WASF3: variants seen among roughly 807,000 people sequenced by gnomAD.
The protein encoded by WASF3 is WASP family member 3.
Under a neutral mutation model 46.6 loss-of-function variants are expected in WASF3, and 11 were observed. That is an observed-to-expected ratio of 0.24 (90% confidence interval 0.15 to 0.39). The LOEUF (loss-of-function observed/expected upper bound fraction) is 0.39, where lower values mean the gene tolerates loss of function less well. WASF3 is among the 10% of genes least tolerant of loss of function. WASF3 has a pLI of 1.00. For synonymous variants in WASF3, 242 were observed against 259.7 expected (o/e 0.93, Z 0.65); for missense variants, 576 against 669.8 (o/e 0.86, Z 1.55).
At chr13:26,593,287 G>A (rs1205808051) in intron 1 of WASF3, among the ~76,000 whole-genome samples, 1 of 152,284 alleles carries the variant, frequency 6.6e-6, no homozygotes, top group Non-Finnish European at 1.5e-5. Context: ...TTCCCTCAGC[G>A]TACTGCTTGC....
intron 2 of WASF3, among the ~76,000 whole-genome samples, chr13:26,613,725 G>T (rs775358953): frequency 1.3e-5 from 2 of 152,236 alleles, no homozygotes; most frequent in East Asian, 3.9e-4. Context: ...AGCCGAGATC[G>T]TGCCACTGCA....
rs59122008 is a variant in WASF3, at chr13:26,618,496, G to GC, written c.-11+5445dup. 7.2e-3 allele frequency among the ~76,000 whole-genome samples: 481 copies of GC among 66,420 alleles called. 8 individuals are homozygous for GC. In the East Asian group the frequency reaches 0.075, roughly 10 times the overall value. 43.6% of individuals were successfully genotyped at this position (66,420 alleles called of 152,430 possible). A position where few individuals can be genotyped will look rare whatever the true frequency, so the allele number is the denominator to read the frequency against. On this transcript the variant is annotated intron_variant, in intron 2 of 9. Coordinates refer to ENST00000335327, the MANE Select transcript of WASF3 (RefSeq NM_006646.6). ...TCTCCCCACCGTCTCCCCCACCTCCGCCCCCCCGTCTCTTTCATACATGTA... is the reference window on the plus strand; with the variant it reads ...TCTCCCCACCGTCTCCCCCACCTCCGCCCCCCCCGTCTCTTTCATACATGTA...
intron 1 of WASF3, among the ~76,000 whole-genome samples, chr13:26,589,584 G>T (rs1210909165): frequency 2.0e-5 from 3 of 152,118 alleles, no homozygotes; most frequent in African/African-American, 7.2e-5. Context: ...TGAATGTTAA[G>T]AATAAAATTG....
chr13:26,666,035 AGTT>A (rs1882761129), intron 4 of WASF3, among the ~76,000 whole-genome samples: 1 of 152,222 alleles, frequency 6.6e-6, no homozygotes, highest in Admixed American at 6.5e-5. Context: ...TAAAAAAAGT[AGTT>A]GTGGAATTCA....
In WASF3 at chr13:26,677,097, T is replaced by C. The variant is rs892609701; in HGVS notation, c.716+373T>C. ...GTTGAATTTCCTTTGCCACTTGGTA[T>C]CTAAAAATGATTGGCAGGTGGTAAA... On this transcript the variant is annotated intron_variant, in intron 7 of 9. Coordinates refer to ENST00000335327, the MANE Select transcript of WASF3 (RefSeq NM_006646.6). Among the ~76,000 whole-genome samples, 7 of 152,230 alleles carry C rather than the reference T, an allele frequency of 4.6e-5. No homozygotes were observed. The South Asian group carries it at 1.2e-3, about 27-fold the overall frequency.
chr13:26,564,271 G>A (rs1304076597), intron 1 of WASF3, among the ~76,000 whole-genome samples: 1 of 152,152 alleles, frequency 6.6e-6, no homozygotes, highest in East Asian at 1.9e-4. Context: ...ATAGGGTGGT[G>A]CCTTGTATAT....
At chr13:26,539,939 G>A in the WASF3 span, among the ~76,000 whole-genome samples, 57,791 of 151,962 alleles carry the variant, frequency 0.38, 11,354 homozygotes, top group South Asian at 0.49. Context: ...AGGTCTATGG[G>A]TAGGTGCCAG....
chr13:26,590,990 G>A (rs1880275485), intron 1 of WASF3, among the ~76,000 whole-genome samples: 1 of 152,108 alleles, frequency 6.6e-6, no homozygotes, highest in Non-Finnish European at 1.5e-5. Flanking sequence ...GTAATATTTG[G>A]GCAGAGATTT....
At chr13:26,604,061 G>A (rs931429032) in intron 1 of WASF3, among the ~76,000 whole-genome samples, 2 of 152,170 alleles carry the variant, frequency 1.3e-5, no homozygotes, top group African/African-American at 4.8e-5. Context: ...AGTCATAGAA[G>A]GAGTGGAGTT....
chr13:26,639,593 G>T (rs1028755072), intron 2 of WASF3: 1 of 152,186 alleles, frequency 6.6e-6, no homozygotes, highest in Non-Finnish European at 1.5e-5. Context: ...GTTTGCTTGG[G>T]ATGGTTAATG....
At chr13:26,622,606 C>T (rs949159237) in intron 2 of WASF3, 1 of 152,112 alleles carries the variant, frequency 6.6e-6, no homozygotes, top group African/African-American at 2.4e-5. Flanking sequence ...TATGTTCACT[C>T]ATTGAGAATA....
intron 2 of WASF3, chr13:26,619,597 A>G (rs1224158471): frequency 6.6e-6 from 1 of 152,210 alleles, no homozygotes; most frequent in Non-Finnish European, 1.5e-5. Context: ...ATGTATATCA[A>G]AAATACAAAA....
chr13:26,571,399 G>A (rs893448876), intron 1 of WASF3, among the ~76,000 whole-genome samples: 2 of 152,012 alleles, frequency 1.3e-5, no homozygotes, highest in Non-Finnish European at 2.9e-5. Flanking sequence ...TTTATGATAC[G>A]CTACAAATTT....
chr13:26,652,792 C>T lies in WASF3; in HGVS notation c.133+10389C>T, dbSNP rs548550401. Among the ~76,000 whole-genome samples, 3 of 152,182 alleles carry T rather than the reference C, an allele frequency of 2.0e-5. No homozygotes were observed. The South Asian group carries it at 6.2e-4, about 32-fold the overall frequency. ...CTATTGCTAACCATGTGGTAGTGAA[C>T]ACAAAATGCCATTGTATTTGTGGGA... On this transcript the variant is annotated intron_variant, in intron 3 of 9. Coordinates refer to ENST00000335327, the MANE Select transcript of WASF3 (RefSeq NM_006646.6).
chr13:26,563,944 G>T (rs1010736727), intron 1 of WASF3, among the ~76,000 whole-genome samples: 1 of 152,066 alleles, frequency 6.6e-6, no homozygotes. Context: ...ATTTCCCTGG[G>T]ATCTTTTCTC....
At chr13:26,639,520 A>T (rs1392568017) in intron 2 of WASF3, among the ~76,000 whole-genome samples, 4 of 152,180 alleles carry the variant, frequency 2.6e-5, no homozygotes, top group Non-Finnish European at 5.9e-5. Flanking sequence ...CAGGCAGCTC[A>T]TAGTTCATCT....
intron 2 of WASF3, among the ~76,000 whole-genome samples, chr13:26,635,816 C>T (rs553488903): frequency 1.4e-4 from 21 of 152,362 alleles, no homozygotes; most frequent in African/African-American, 4.6e-4. Flanking sequence ...GTATCACCAG[C>T]GGAAGCTGCA....
chr13:26,674,542 A>G (rs1418520319), intron 6 of WASF3, among the ~76,000 whole-genome samples: 1 of 152,236 alleles, frequency 6.6e-6, no homozygotes, highest in East Asian at 1.9e-4. Flanking sequence ...TAGCATTCAT[A>G]AATATTTGCA....
intron 6 of WASF3, 22 bp downstream of exon 6, chr13:26,672,011 A>G: frequency 6.8e-7 from 1 of 1,480,154 alleles, no homozygotes; most frequent in Non-Finnish European, 9.4e-7. Flanking sequence ...CAGTATGGGA[A>G]ATGTGCATAT....
Sources: gnomAD v4.1 joint callset for allele counts (sites outside exome capture counted in the v4.1 genomes callset) on GRCh38, gnomAD v4.1.1 for gene constraint, MANE v1.5 for transcripts, NCBI Gene and HGNC (gene_info 2026-07-23, HGNC 2026-07-21) for gene names.